The following PAH variants were observed in gnomAD, a reference collection of about 807,000 sequenced individuals.
PAH encodes the protein phenylalanine-4-hydroxylase.
PAH carries 64 observed loss-of-function variants against 62.0 expected under a neutral mutation model. The observed-to-expected ratio is 1.03, with a 90% CI of 0.84 to 1.27. The LOEUF (loss-of-function observed/expected upper bound fraction) is 1.27, where lower values mean the gene tolerates loss of function less well. PAH is among the 50% of genes most tolerant of loss of function. PAH has a pLI of 0.00. For synonymous variants in PAH, 195 were observed against 196.2 expected, an observed-to-expected ratio of 0.99 and a Z score of 0.05; for missense variants, 579 against 542.8, an observed-to-expected ratio of 1.07 and a Z score of -0.66.
rs149666528 is a variant in PAH at position 102,850,069 on chromosome 12, G to A, written c.912+1618C>T. 2.3e-3 allele frequency among the ~76,000 whole-genome samples: 346 copies of A among 152,322 alleles called. 2 individuals carry two copies. The highest frequency in any genetic ancestry group is 7.9e-3 in the African/African-American group (329 of 41,564). On this transcript the variant is annotated intron_variant, in intron 8 of 12. Transcript: ENST00000553106. ...TTCGTAAACTAACTTCTGGTGGTAA[G>A]AATAAAAGGTTCCTATTCTTCAAGG...
chr12:102,929,461 T>C, intron 1 of PAH, among the ~76,000 whole-genome samples: 1 of 152,178 alleles, frequency 6.6e-6, no homozygotes. Flanking sequence ...AAGGTCATAT[T>C]GCAGAAACAA....
At chr12:102,856,075 A>AAACT (rs1378421344) in intron 5 of PAH, among the ~76,000 whole-genome samples, 2 of 80,084 alleles carry the variant, frequency 2.5e-5, no homozygotes, top group African/African-American at 7.1e-5. Context: ...GTCAATTAGA[A>AAACT]AACTAAATAA....
At chr12:102,922,340 C>T (rs185858863) in intron 1 of PAH, among the ~76,000 whole-genome samples, 18 of 151,940 alleles carry the variant, frequency 1.2e-4, no homozygotes, top group East Asian at 1.9e-4. Flanking sequence ...TCTACAGGTG[C>T]GCACCACCAT....
chr12:102,866,512 C>G, intron 5 of PAH, 84 bp downstream of exon 5: 1 of 1,037,718 alleles, frequency 9.6e-7, no homozygotes, highest in Non-Finnish European at 1.5e-6. Context: ...TGGTATTTTC[C>G]ATCCTCAACT....
chr12:102,958,373 C>G (rs759304276), upstream of PAH: 102 of 1,447,522 alleles, frequency 7.0e-5, no homozygotes, highest in Non-Finnish European at 8.8e-5. Flanking sequence ...CCGCAGCCGC[C>G]GCAGCGGCAG....
intron 1 of PAH, among the ~76,000 whole-genome samples, chr12:102,941,882 C>T (rs991944533): frequency 6.6e-6 from 1 of 152,120 alleles, no homozygotes; most frequent in African/African-American, 2.4e-5. Context: ...CTCAACATCC[C>T]TTCATGTTAA....
chr12:102,876,105 A>G (rs899240941), intron 4 of PAH, among the ~76,000 whole-genome samples: 3 of 151,950 alleles, frequency 2.0e-5, no homozygotes, highest in African/African-American at 7.3e-5. Context: ...CTGTTGATAT[A>G]TGCTTTCTCA....
At chr12:102,933,922 T>G (rs951935145) in intron 1 of PAH, among the ~76,000 whole-genome samples, 1 of 152,124 alleles carries the variant, frequency 6.6e-6, no homozygotes, top group Non-Finnish European at 1.5e-5. Flanking sequence ...GTTTCTTTTG[T>G]GGTGCAAAAG....
At chr12:102,843,166 T>A (rs554103553) in intron 11 of PAH, among the ~76,000 whole-genome samples, 15 of 152,278 alleles carry the variant, frequency 9.9e-5, no homozygotes, top group South Asian at 2.1e-4. Context: ...GAGCTTACCT[T>A]ATGTAATATA....
upstream of PAH, among the ~76,000 whole-genome samples, chr12:102,918,535 C>T (rs1228420393): frequency 6.7e-6 from 1 of 148,490 alleles, no homozygotes; most frequent in Non-Finnish European, 1.5e-5. Flanking sequence ...GGTTCTACCA[C>T]TGATTTGGTC....
chr12:102,862,182 A>G (rs1383133731), intron 5 of PAH, among the ~76,000 whole-genome samples: 1 of 152,226 alleles, frequency 6.6e-6, no homozygotes, highest in African/African-American at 2.4e-5. Flanking sequence ...GACTGGATAA[A>G]GAAAATGTTG....
At chr12:102,937,946 C>T (rs544639266) in intron 1 of PAH, among the ~76,000 whole-genome samples, 1 of 152,296 alleles carries the variant, frequency 6.6e-6, no homozygotes, top group South Asian at 2.1e-4. Flanking sequence ...GGATATACTA[C>T]TCTAGGATAA....
chr12:102,957,387 G>T lies in PAH; in HGVS notation c.-96+808C>A, dbSNP rs1162387821. On this transcript the variant is annotated intron_variant, in intron 1 of 4. Coordinates refer to the PAH transcript ENST00000551337. The surrounding 1 kb of genome is among the most constrained non-coding windows in gnomAD (Gnocchi z 4.1). ...GGCAGCAGCCCGCCCCGAGCGCGCC[G>T]CCTGTTTATTCAGCCGGGAGTCCGG... is the stretch of plus-strand genomic sequence containing the variant. Among the ~76,000 whole-genome samples the T allele has an allele frequency of 6.6e-6, 1 of 152,030 alleles. No individual in the cohort carries two copies. Among genetic ancestry groups the T allele is most frequent in the Non-Finnish European group, 1.5e-5 (1 of 68,010 alleles).
chr12:102,902,151 A>G (rs1200923451), intron 2 of PAH, among the ~76,000 whole-genome samples: 1 of 152,184 alleles, frequency 6.6e-6, no homozygotes, highest in Non-Finnish European at 1.5e-5. Flanking sequence ...AGTGAGGGAG[A>G]AAAACGTGAG....
At chr12:102,860,166 G>T (rs953402990) in intron 5 of PAH, among the ~76,000 whole-genome samples, 1 of 152,152 alleles carries the variant, frequency 6.6e-6, no homozygotes, top group African/African-American at 2.4e-5. Flanking sequence ...AAAATCACAA[G>T]CATTCTTATA....
rs545161274 is a variant in PAH, at chr12:102,857,729, T to C, written c.510-2397A>G. ...ATTTCATATCCAGACAAACTAAGCTTCATAAGTGAAGGAGAAATAAAATCC... is the reference window on the plus strand; with the variant it reads ...ATTTCATATCCAGACAAACTAAGCTCCATAAGTGAAGGAGAAATAAAATCC... On this transcript the variant is annotated intron_variant, in intron 5 of 12. Coordinates refer to ENST00000553106, the MANE Select transcript of PAH (RefSeq NM_000277.3). Among the ~76,000 whole-genome samples, 396 of 152,234 alleles carry C rather than the reference T, an allele frequency of 2.6e-3. 2 individuals are homozygous for C. The highest frequency in any genetic ancestry group is 8.9e-3 in the African/African-American group (369 of 41,534).
At chr12:102,927,969 G>C (rs1387916083) in intron 1 of PAH, among the ~76,000 whole-genome samples, 1 of 152,158 alleles carries the variant, frequency 6.6e-6, no homozygotes, top group Non-Finnish European at 1.5e-5. Flanking sequence ...AACTATATTG[G>C]ATTTCTAGTT....
chr12:102,952,624 C>A (rs1593009349), upstream of PAH, among the ~76,000 whole-genome samples: 1 of 152,118 alleles, frequency 6.6e-6, no homozygotes, highest in African/African-American at 2.4e-5. Context: ...AAAGACTTAG[C>A]GTTACTTCTC....
intron 9 of PAH, among the ~76,000 whole-genome samples, chr12:102,845,342 C>T (rs769148308): frequency 4.6e-5 from 7 of 152,178 alleles, no homozygotes; most frequent in Non-Finnish European, 1.0e-4. Flanking sequence ...GTGGTGTCAA[C>T]TAGACTGAGA....
Sources: gnomAD v4.1 joint callset for allele counts (sites outside exome capture counted in the v4.1 genomes callset) on GRCh38, gnomAD v4.1.1 for gene constraint, Gnocchi (gnomAD v3.1) non-coding constraint, MANE v1.5 for transcripts, NCBI Gene and HGNC (gene_info 2026-07-23, HGNC 2026-07-21) for gene names.